Variants in EPG5 observed in about 807,000 individuals in gnomAD.
EPG5 encodes the protein ectopic P granules protein 5 homolog.
Under a neutral mutation model 302.7 loss-of-function variants are expected in EPG5, and 159 were observed. That is an observed-to-expected ratio of 0.53 (90% CI 0.46 to 0.60). The LOEUF is 0.60. EPG5 is among the 20% of genes least tolerant of loss of function. The pLI is 0.00. For missense variants in EPG5, 2,896 were observed against 3,092.4 expected (o/e 0.94, Z 1.51); for synonymous variants, 1,158 against 1,136.8 (o/e 1.02, Z -0.37).
At chr18:45,812,769 C>G in the EPG5 span, among the ~76,000 whole-genome samples, 1 of 152,256 alleles carries the variant, frequency 6.6e-6, no homozygotes, top group African/African-American at 2.4e-5. Flanking sequence ...AAAATTAATT[C>G]AAGATGGATT....
chr18:45,854,666 C>T (rs914197654), intron 43 of EPG5, among the ~76,000 whole-genome samples: 2 of 152,100 alleles, frequency 1.3e-5, no homozygotes, highest in African/African-American at 4.8e-5. Flanking sequence ...TTGAGACCAA[C>T]CTCAGCAACA....
intron 10 of EPG5, among the ~76,000 whole-genome samples, chr18:45,936,588 C>T (rs1289653966): frequency 6.6e-6 from 1 of 151,724 alleles, no homozygotes; most frequent in Non-Finnish European, 1.5e-5. Flanking sequence ...ATTAGCCGGG[C>T]ACGGTGGTGT....
intron 39 of EPG5, among the ~76,000 whole-genome samples, chr18:45,864,050 A>T (rs2048689708): frequency 6.6e-6 from 1 of 152,166 alleles, no homozygotes; most frequent in Non-Finnish European, 1.5e-5. Flanking sequence ...CTTGGATAAT[A>T]GGATGTATAT....
intron 15 of EPG5, 97 bp downstream of exon 15, chr18:45,923,171 A>T (rs2050194059): frequency 7.7e-7 from 1 of 1,304,510 alleles, no homozygotes; most frequent in African/African-American, 1.5e-5. Context: ...TGTTCTTAGG[A>T]TACCTAATGG....
At chr18:45,934,778 G>A (rs1167247085) in intron 11 of EPG5, 31 bp downstream of exon 11, 1 of 1,574,634 alleles carries the variant, frequency 6.4e-7, no homozygotes, top group South Asian at 1.2e-5. Flanking sequence ...GATAGGGAGA[G>A]CTGGACGCCG....
chr18:45,838,200 T>C, the EPG5 span, among the ~76,000 whole-genome samples: 1 of 152,180 alleles, frequency 6.6e-6, no homozygotes, highest in South Asian at 2.1e-4. Flanking sequence ...GACAAGTGAA[T>C]GGCAATCCTA....
chr18:45,825,805 C>A, the EPG5 span: 22 of 1,613,822 alleles, frequency 1.4e-5, no homozygotes, highest in Non-Finnish European at 1.7e-5. Flanking sequence ...CTCTCTCTGG[C>A]CCATGCTCGG....
Position 45,884,636 on chromosome 18 carries a change from A to C in EPG5, c.5285T>G (p.Ile1762Ser). The part of the protein sequence containing the change: ...KFLSEDNSDM[I>S]FMLLTKFDLK... ...TCTTACCTTGGTTAGCAGCATGAAA[A>C]TCATATCACTGTTGTCCTCACTTAG... The change falls in exon 30 of 44, where the codon ATT becomes AGT. Residue 1762 changes from isoleucine (I) to serine (S), a missense_variant. This residue lies in a region of EPG5 where 790 missense variants were observed against 798.0 expected (regional missense o/e 0.99). Transcript: ENST00000282041. The C allele has an allele frequency of 6.2e-7, 1 of 1,604,718 alleles. No individual in the cohort carries two copies. Among genetic ancestry groups the C allele is most frequent in the Middle Eastern group, 1.7e-4 (1 of 6,042 alleles).
chr18:45,806,585 C>A, the EPG5 span, among the ~76,000 whole-genome samples: 1 of 151,618 alleles, frequency 6.6e-6, no homozygotes, highest in South Asian at 2.1e-4. Flanking sequence ...CACACCCCAA[C>A]TGGGGAAACT....
At position 45,910,581 on chromosome 18, in the gene EPG5, T is replaced by C. The variant is rs1233182316; in HGVS notation, c.4145A>G (p.Glu1382Gly). 6.2e-7 allele frequency: 1 copy of C among 1,614,012 alleles called. No individual in the cohort carries two copies. Reference sequence around the variant, plus strand: ...GTAACCAGGGGTGCCAGAGTGGCTCTCTGGCAGCCCTTCACTGCCCTCTGC... The same window carrying C: ...GTAACCAGGGGTGCCAGAGTGGCTCCCTGGCAGCCCTTCACTGCCCTCTGC... ...VPAEGSEGLP[E>G]SHSGTPGYLT... Residue 1382 changes from glutamate to glycine, a missense_variant, in exon 23 of 44, where the codon GAG (glutamate) becomes GGG (glycine). Glu to Gly is a moderately conservative substitution (Grantham distance 98). Transcript: ENST00000282041.
downstream of EPG5, among the ~76,000 whole-genome samples, chr18:45,845,170 C>G (rs1179285484): frequency 6.6e-6 from 1 of 152,164 alleles, no homozygotes; most frequent in Non-Finnish European, 1.5e-5. Flanking sequence ...TGTAACGGTG[C>G]CAGGTAATCA....
the EPG5 span, among the ~76,000 whole-genome samples, chr18:45,813,625 T>C: frequency 6.6e-6 from 1 of 152,198 alleles, no homozygotes; most frequent in East Asian, 1.9e-4. Flanking sequence ...GGGACGTGGA[T>C]AAAGGTGGAA....
At chr18:45,967,123 G>C in intron 1 of EPG5, 54 bp downstream of exon 1, 1 of 1,527,088 alleles carries the variant, frequency 6.5e-7, no homozygotes, top group Non-Finnish European at 8.9e-7. Flanking sequence ...GAAGAGAGGA[G>C]CAAGGAGACA....
At chr18:45,956,543 G>A (rs528092861) in intron 1 of EPG5, among the ~76,000 whole-genome samples, 1 of 151,698 alleles carries the variant, frequency 6.6e-6, no homozygotes, top group Non-Finnish European at 1.5e-5. Context: ...TGCAACCTCC[G>A]CCTCCTGGGT....
chr18:45,825,731 G>T, the EPG5 span: 1 of 1,614,242 alleles, frequency 6.2e-7, no homozygotes, highest in Non-Finnish European at 8.5e-7. Context: ...CTCACAGCAT[G>T]GAAAAGTCCA....
intron 1 of EPG5, among the ~76,000 whole-genome samples, chr18:45,960,963 A>G (rs182504081): frequency 6.6e-6 from 1 of 152,282 alleles, no homozygotes; most frequent in East Asian, 1.9e-4. Context: ...CAAAATTAAC[A>G]TATGTAAAAC....
At chr18:45,924,134 T>C (rs996573716) in intron 14 of EPG5, among the ~76,000 whole-genome samples, 3 of 152,066 alleles carry the variant, frequency 2.0e-5, no homozygotes, top group African/African-American at 7.2e-5. Flanking sequence ...ACAGGTAAAA[T>C]ATTCCTTCTG....
chr18:45,942,595 C>G (rs560790597), intron 9 of EPG5, among the ~76,000 whole-genome samples: 2 of 151,884 alleles, frequency 1.3e-5, no homozygotes, highest in Admixed American at 1.3e-4. Flanking sequence ...AAGAGCGAGA[C>G]TCATCTCAAA....
the EPG5 span, among the ~76,000 whole-genome samples, chr18:45,835,115 A>T: frequency 6.6e-6 from 1 of 152,202 alleles, no homozygotes; most frequent in African/African-American, 2.4e-5. Context: ...AGCAGGTTGT[A>T]TGAAAAAAAG....
Sources: allele counts gnomAD v4.1 joint callset (sites outside exome capture counted in the v4.1 genomes callset), GRCh38; gene constraint gnomAD v4.1.1; regional missense constraint gnomAD v4.1.1; transcripts MANE v1.5; gene names NCBI Gene and HGNC (gene_info 2026-07-23, HGNC 2026-07-21).